Variants in NUDC observed in about 807,000 individuals in gnomAD.
The protein encoded by NUDC is nuclear distribution C, dynein complex regulator, also known as nuclear migration protein nudC.
Under a neutral mutation model 45.0 loss-of-function variants are expected in NUDC, and 14 were observed. That is an observed-to-expected ratio of 0.31 (90% CI 0.21 to 0.49). The LOEUF (loss-of-function observed/expected upper bound fraction) is 0.49, where lower values mean the gene tolerates loss of function less well. Among genes scored for constraint, NUDC ranks in the 20% least tolerant of loss-of-function variants. The probability of loss-of-function intolerance (pLI) is 0.99; values close to 1 mark genes in which losing one functional copy is unlikely to be tolerated. For synonymous variants in NUDC, 153 were observed against 156.7 expected, an observed-to-expected ratio of 0.98 and a Z score of 0.17; for missense variants, 323 against 426.2, an observed-to-expected ratio of 0.76 and a Z score of 2.13.
At chr1:26,921,120 G>T (rs891777285), upstream of NUDC, among the ~76,000 whole-genome samples, 1 of 152,176 alleles carries the variant, frequency 6.6e-6, no homozygotes, top group African/African-American at 2.4e-5. Flanking sequence ...TCCTGTCCCC[G>T]CATTAACAGA....
intron 2 of NUDC, among the ~76,000 whole-genome samples, chr1:26,929,240 GA>G (rs920079022): frequency 2.0e-5 from 3 of 150,932 alleles, no homozygotes; most frequent in Non-Finnish European, 4.4e-5. Context: ...AAAATATTTG[GA>G]AAAAAAATTT....
At chr1:26,938,633 T>C (rs749272608) in intron 2 of NUDC, among the ~76,000 whole-genome samples, 15 of 152,114 alleles carry the variant, frequency 9.9e-5, no homozygotes, top group Admixed American at 5.2e-4. Context: ...AGCAGGAGAA[T>C]TTGGCGTCAA....
chr1:26,942,053 G>A (rs2082282167), intron 4 of NUDC, among the ~76,000 whole-genome samples: 1 of 152,160 alleles, frequency 6.6e-6, no homozygotes. Flanking sequence ...CAGCACTTTG[G>A]GAGGCCGAGG....
In NUDC at chr1:26,925,718, A is replaced by ATTT. The variant is rs35681038; in HGVS notation, c.159+1571_159+1573dup. On this transcript the variant is annotated intron_variant, in intron 2 of 8. Transcript: ENST00000321265. Reference sequence around the variant, plus strand: ...TTTGAAAATTGTTATATCATGAGGAATTTTTTTTTTTTTTTTTTTTTGAGA... The same window carrying ATTT: ...TTTGAAAATTGTTATATCATGAGGAATTTTTTTTTTTTTTTTTTTTTTTTGAGA... 6.1e-4 allele frequency among the ~76,000 whole-genome samples: 77 copies of ATTT among 126,866 alleles called. 2 individuals carry two copies. Among genetic ancestry groups the ATTT allele is most frequent in the Non-Finnish European group, 1.2e-3 (69 of 59,402 alleles). 83.2% of individuals were successfully genotyped at this position (126,866 alleles called of 152,430 possible). A position where few individuals can be genotyped will look rare whatever the true frequency, so the allele number is the denominator to read the frequency against.
exon 3 of NUDC, chr1:26,911,184 C>A: frequency 2.1e-6 from 1 of 470,308 alleles, no homozygotes; most frequent in African/African-American, 2.0e-5. Flanking sequence ...TTGTCTGTTT[C>A]AATTCGGGAG....
intron 2 of NUDC, among the ~76,000 whole-genome samples, chr1:26,940,941 G>T (rs2082271334): frequency 6.7e-6 from 1 of 148,908 alleles, no homozygotes; most frequent in Non-Finnish European, 1.5e-5. Context: ...ATTTTTTTTT[G>T]AGATGGAGTC....
intron 8 of NUDC, 33 bp downstream of exon 8, chr1:26,945,719 T>G (rs532898268): frequency 1.3e-6 from 2 of 1,523,504 alleles, no homozygotes; most frequent in Non-Finnish European, 1.8e-6. Flanking sequence ...TGGGGGACCG[T>G]GGGTGCCTGG....
chr1:26,921,787 A>G lies in NUDC; in HGVS notation c.-62A>G, dbSNP rs2082092856. The G allele has an allele frequency of 9.9e-6, 15 of 1,509,194 alleles. No homozygotes were observed. The South Asian group carries it at 1.1e-4, about 11-fold the overall frequency. 93.5% of individuals were successfully genotyped at this position (1,509,194 alleles called of 1,614,324 possible). A position where few individuals can be genotyped will look rare whatever the true frequency, so the allele number is the denominator to read the frequency against. Reference sequence around the variant, plus strand: ...AGTCGTTGGGCCCGGCGCGACCCGCAGGAGCGTAGAGAGCGCGGGACTAGA... The same window carrying G: ...AGTCGTTGGGCCCGGCGCGACCCGCGGGAGCGTAGAGAGCGCGGGACTAGA... On this transcript the variant is annotated 5_prime_UTR_variant, in exon 1 of 9. Transcript: ENST00000321265.
intron 2 of NUDC, among the ~76,000 whole-genome samples, chr1:26,904,698 C>T (rs1365605309): frequency 3.3e-5 from 5 of 152,254 alleles, no homozygotes; most frequent in African/African-American, 9.6e-5. Flanking sequence ...TGTGTAACCT[C>T]GAGCACTTTA....
chr1:26,906,571 C>T lies in NUDC; in HGVS notation c.-16+4205C>T, dbSNP rs370818635. 2.0e-4 allele frequency among the ~76,000 whole-genome samples: 31 copies of T among 151,666 alleles called. No homozygotes were observed. In the East Asian group the frequency reaches 3.7e-3, roughly 18 times the overall value. The stretch of plus-strand genomic sequence containing the variant: ...AGCTCTCAATAAATGTTACGTGGGC[C>T]GGGCGTGGTGGCTCACACCCGTAAT... On this transcript the variant is annotated intron_variant, in intron 2 of 6. Coordinates refer to the NUDC transcript ENST00000435827.
chr1:26,928,384 A>G (rs1206143789), intron 2 of NUDC, among the ~76,000 whole-genome samples: 6 of 152,238 alleles, frequency 3.9e-5, no homozygotes, highest in Admixed American at 3.9e-4. Flanking sequence ...ACTGGAAGCT[A>G]TAAAAGAAGA....
At position 26,925,266 on chromosome 1, in the gene NUDC, C is replaced by T. The variant is rs527508234; in HGVS notation, c.159+1100C>T. The stretch of plus-strand genomic sequence containing the variant: ...TTAGAAATAAATTTAGAAGGCCGGG[C>T]GCGGTGGCTCACGCCTGTAATCCCA... On this transcript the variant is annotated intron_variant, in intron 2 of 8. Transcript: ENST00000321265. Among the ~76,000 whole-genome samples the T allele has an allele frequency of 9.5e-4, 143 of 149,894 alleles. 1 individual carries two copies. The highest frequency in any genetic ancestry group is 3.2e-3 in the African/African-American group (130 of 40,994).
At chr1:26,909,520 A>T (rs1328250569) in intron 2 of NUDC, among the ~76,000 whole-genome samples, 1 of 152,212 alleles carries the variant, frequency 6.6e-6, no homozygotes, top group African/African-American at 2.4e-5. Flanking sequence ...TGCTTCCTAA[A>T]GGTTGTTCAG....
chr1:26,912,639 GC>G (rs1364311982), intron 3 of NUDC, among the ~76,000 whole-genome samples: 2 of 152,122 alleles, frequency 1.3e-5, no homozygotes, highest in African/African-American at 4.8e-5. Flanking sequence ...GTCTCCATCT[GC>G]CGCTCTCCTG....
chr1:26,941,913 C>A, intron 4 of NUDC, 95 bp downstream of exon 4: 1 of 1,140,168 alleles, frequency 8.8e-7, no homozygotes, highest in Non-Finnish European at 1.3e-6. Flanking sequence ...CCTTCCTTAT[C>A]CTATCCCCTC....
intron 2 of NUDC, among the ~76,000 whole-genome samples, chr1:26,927,091 A>C (rs2082138656): frequency 6.6e-6 from 1 of 152,082 alleles, no homozygotes. Context: ...TGGGAACATA[A>C]AACTAACCTA....
intron 2 of NUDC, among the ~76,000 whole-genome samples, chr1:26,939,286 G>T (rs993630756): frequency 2.6e-5 from 4 of 151,954 alleles, no homozygotes; most frequent in Non-Finnish European, 4.4e-5. Context: ...CCAAAGTGCT[G>T]GGATTACGGG....
intron 3 of NUDC, chr1:26,912,131 C>G (rs780573114): frequency 6.2e-7 from 1 of 1,609,764 alleles, no homozygotes; most frequent in East Asian, 2.2e-5. Flanking sequence ...ACCCTACTCC[C>G]AGCCACCAAA....
intron 8 of NUDC, 29 bp from the exon 9 acceptor site, chr1:26,946,101 G>C: frequency 6.2e-7 from 1 of 1,605,858 alleles, no homozygotes; most frequent in Non-Finnish European, 8.5e-7. Context: ...AGAAGGATGA[G>C]CTGTTTCATC....
Sources: allele counts gnomAD v4.1 joint callset (sites outside exome capture counted in the v4.1 genomes callset), GRCh38; gene constraint gnomAD v4.1.1; transcripts MANE v1.5; gene names NCBI Gene and HGNC (gene_info 2026-07-23, HGNC 2026-07-21).